GFOD1: variants seen among roughly 807,000 people sequenced by gnomAD.
The protein encoded by GFOD1 is glucose-fructose oxidoreductase domain-containing protein 1.
A neutral mutation model predicts 25.4 loss-of-function variants in GFOD1; 9 were observed. The ratio of observed to expected loss-of-function variants is 0.35; its 90% CI spans 0.21 to 0.62. The LOEUF is 0.62. Among genes scored for constraint, GFOD1 ranks in the 20% least tolerant of loss-of-function variants. GFOD1 has a pLI of 0.72. For missense variants in GFOD1, 403 were observed against 556.9 expected, an observed-to-expected ratio of 0.72 and a Z score of 2.78; for synonymous variants, 253 against 245.6, an observed-to-expected ratio of 1.03 and a Z score of -0.28.
At chr6:13,368,856 G>C (rs1439751262) in intron 1 of GFOD1, among the ~76,000 whole-genome samples, 1 of 152,174 alleles carries the variant, frequency 6.6e-6, no homozygotes, top group Non-Finnish European at 1.5e-5. Flanking sequence ...TCCAGAAGAT[G>C]TAAAATGAAC....
At chr6:13,431,545 C>A (rs1484556097) in intron 1 of GFOD1, among the ~76,000 whole-genome samples, 1 of 152,210 alleles carries the variant, frequency 6.6e-6, no homozygotes, top group African/African-American at 2.4e-5. Flanking sequence ...GATAATTCCA[C>A]ACTCACCAAT....
At chr6:13,426,268 G>A (rs1317780495) in intron 1 of GFOD1, among the ~76,000 whole-genome samples, 1 of 152,254 alleles carries the variant, frequency 6.6e-6, no homozygotes, top group Non-Finnish European at 1.5e-5. Flanking sequence ...CCCCAGGCAG[G>A]CCACAGGCCC....
At chr6:13,482,342 ATAATATT>A (rs1363493436) in intron 1 of GFOD1, among the ~76,000 whole-genome samples, 1 of 150,096 alleles carries the variant, frequency 6.7e-6, no homozygotes, top group East Asian at 1.9e-4. Flanking sequence ...TATTTTTAAA[ATAATATT>A]TAAATTTTAA....
chr6:13,451,194 G>A (rs1249908672), intron 1 of GFOD1, among the ~76,000 whole-genome samples: 2 of 152,192 alleles, frequency 1.3e-5, no homozygotes, highest in Non-Finnish European at 2.9e-5. Context: ...ATGTGGCGAG[G>A]TTTAGTGACT....
intron 1 of GFOD1, among the ~76,000 whole-genome samples, chr6:13,458,212 G>A (rs1011939445): frequency 7.9e-5 from 12 of 152,000 alleles, no homozygotes; most frequent in Non-Finnish European, 1.0e-4. Context: ...CTGCCTCCTC[G>A]GTTCAAGTGA....
intron 1 of GFOD1, among the ~76,000 whole-genome samples, chr6:13,370,145 C>T (rs1411238363): frequency 6.6e-6 from 1 of 152,286 alleles, no homozygotes; most frequent in South Asian, 2.1e-4. Context: ...GTTCCTGAGC[C>T]CCAGAGAGCT....
intron 1 of GFOD1, among the ~76,000 whole-genome samples, chr6:13,370,705 GTGTTTATGTGTGTGTGTGTGTA>G (rs1202914523): frequency 2.7e-5 from 3 of 113,048 alleles, no homozygotes; most frequent in African/African-American, 1.0e-4. Flanking sequence ...GTGTGTATAT[GTGTTTATGTGTGTGTGTGTGTA>G]TGTATGTATG....
At chr6:13,426,292 C>T (rs910352450) in intron 1 of GFOD1, among the ~76,000 whole-genome samples, 1 of 152,224 alleles carries the variant, frequency 6.6e-6, no homozygotes, top group African/African-American at 2.4e-5. Context: ...CTGCCTGGTC[C>T]TATAATACAG....
At chr6:13,444,011 T>C (rs1339738250) in intron 1 of GFOD1, among the ~76,000 whole-genome samples, 3 of 152,076 alleles carry the variant, frequency 2.0e-5, no homozygotes, top group Non-Finnish European at 4.4e-5. Context: ...CCACTACGGG[T>C]ATACCCAGAG....
At chr6:13,475,760 A>T (rs1407813768) in intron 1 of GFOD1, among the ~76,000 whole-genome samples, 2 of 115,546 alleles carry the variant, frequency 1.7e-5, no homozygotes, top group African/African-American at 6.6e-5. Context: ...AATAATAATA[A>T]TAATAATACA....
At chr6:13,394,698 T>A (rs1337208819) in intron 1 of GFOD1, among the ~76,000 whole-genome samples, 1 of 151,862 alleles carries the variant, frequency 6.6e-6, no homozygotes, top group African/African-American at 2.4e-5. Flanking sequence ...AGTGGCATGA[T>A]CTCAGCTCAC....
In GFOD1 at chr6:13,376,797, T is replaced by A. The variant is rs115325046; in HGVS notation, c.254-11135A>T. 4.9e-3 allele frequency among the ~76,000 whole-genome samples: 741 copies of A among 152,280 alleles called. 6 individuals are homozygous for A. Among genetic ancestry groups the A allele is most frequent in the African/African-American group, 0.017 (698 of 41,558 alleles). On this transcript the variant is annotated intron_variant, in intron 1 of 1. Transcript: ENST00000379287. ...CATCCAAAAGGCTGGGAACCTCCTA[T>A]CATCTCCCAAAGCCCTCACTTAGTC...
At chr6:13,468,358 T>C (rs1365314811) in intron 1 of GFOD1, among the ~76,000 whole-genome samples, 1 of 152,214 alleles carries the variant, frequency 6.6e-6, no homozygotes. Context: ...ATCAATTATA[T>C]TTATCATATT....
chr6:13,368,211 A>G (rs776677420), intron 1 of GFOD1, among the ~76,000 whole-genome samples: 1 of 152,224 alleles, frequency 6.6e-6, no homozygotes, highest in Non-Finnish European at 1.5e-5. Context: ...CCACGTGCAC[A>G]TCTAGTTCTG....
chr6:13,477,216 G>GGTGTGT (rs60649261), intron 1 of GFOD1, among the ~76,000 whole-genome samples: 53 of 140,876 alleles, frequency 3.8e-4, no homozygotes, highest in African/African-American at 8.7e-4. Context: ...ACCAATAGGG[G>GGTGTGT]GTGTGTGTGT....
At chr6:13,409,190 A>AAAGAAAGAAAGAAAGAAAGG (rs1786018609) in intron 1 of GFOD1, among the ~76,000 whole-genome samples, 1 of 89,740 alleles carries the variant, frequency 1.1e-5, no homozygotes, top group Non-Finnish European at 3.2e-5. Context: ...AGAGAGAAAG[A>AAAGAAAGAAAGAAAGAAAGG]AAGAAAGAAA....
chr6:13,378,674 T>A (rs907615270), intron 1 of GFOD1, among the ~76,000 whole-genome samples: 4 of 152,134 alleles, frequency 2.6e-5, no homozygotes, highest in African/African-American at 9.7e-5. Context: ...TGGGCACCTC[T>A]CATCTCAGCC....
intron 1 of GFOD1, among the ~76,000 whole-genome samples, chr6:13,473,578 G>A (rs944926338): frequency 6.6e-6 from 1 of 152,230 alleles, no homozygotes; most frequent in Non-Finnish European, 1.5e-5. Context: ...ATGAAGAAAA[G>A]TATTTGTAGA....
chr6:13,409,183 G>GAAAAGAAAGAA lies in GFOD1; in HGVS notation c.254-43522_254-43521insTTCTTTCTTTT, dbSNP rs1265712099. Among the ~76,000 whole-genome samples the GAAAAGAAAGAA allele has an allele frequency of 2.7e-4, 14 of 52,010 alleles. 1 individual carries two copies. The highest frequency in any genetic ancestry group is 6.0e-4 in the Non-Finnish European group (11 of 18,260). 34.1% of individuals were successfully genotyped at this position (52,010 alleles called of 152,430 possible). ...GAAAGAAAGGAAAGAGAGAGAGAGA[G>GAAAAGAAAGAA]AGAAAGAAAGAAAGAAAGAGAAAGA... On this transcript the variant is annotated intron_variant, in intron 1 of 1. Coordinates refer to ENST00000379287, the MANE Select transcript of GFOD1 (RefSeq NM_018988.4).
Sources: gnomAD v4.1 joint callset for allele counts (sites outside exome capture counted in the v4.1 genomes callset) on GRCh38, gnomAD v4.1.1 for gene constraint, MANE v1.5 for transcripts, NCBI Gene and HGNC (gene_info 2026-07-23, HGNC 2026-07-21) for gene names.